Variants in HS3ST4 observed in about 807,000 individuals in gnomAD.
HS3ST4 encodes heparan sulfate-glucosamine 3-sulfotransferase 4.
HS3ST4 carries 17 observed loss-of-function variants against 29.2 expected under a neutral mutation model. That is an observed-to-expected ratio of 0.58 (90% CI 0.40 to 0.87). The LOEUF is 0.87. HS3ST4 is among the 40% of genes least tolerant of loss of function. HS3ST4 has a pLI of 0.00. For missense variants in HS3ST4, 627 were observed against 634.5 expected (o/e 0.99, Z 0.13); for synonymous variants, 314 against 285.7 (o/e 1.10, Z -1.00).
At chr16:25,852,326 G>T (rs866168979) in intron 1 of HS3ST4, among the ~76,000 whole-genome samples, 1 of 151,770 alleles carries the variant, frequency 6.6e-6, no homozygotes, top group African/African-American at 2.4e-5. Context: ...TAAGTTCTGG[G>T]GTACATGTGC....
At chr16:25,941,478 T>C (rs1481060989) in intron 1 of HS3ST4, among the ~76,000 whole-genome samples, 2 of 152,138 alleles carry the variant, frequency 1.3e-5, no homozygotes, top group African/African-American at 4.8e-5. Flanking sequence ...TTTTTTATCC[T>C]TGTGGCATAC....
chr16:25,964,615 G>A (rs962586751), intron 1 of HS3ST4, among the ~76,000 whole-genome samples: 1 of 152,112 alleles, frequency 6.6e-6, no homozygotes, highest in African/African-American at 2.4e-5. Context: ...ATGGAGCTGG[G>A]TTTTGATCCC....
intron 1 of HS3ST4, among the ~76,000 whole-genome samples, chr16:25,724,394 T>TG (rs1223122286): frequency 6.0e-5 from 9 of 150,748 alleles, no homozygotes; most frequent in Non-Finnish European, 1.2e-4. Flanking sequence ...GATGGAGTCT[T>TG]GCTCTGTCAC....
At chr16:25,768,267 C>T (rs1966834166) in intron 1 of HS3ST4, among the ~76,000 whole-genome samples, 1 of 152,180 alleles carries the variant, frequency 6.6e-6, no homozygotes, top group South Asian at 2.1e-4. Flanking sequence ...CATACCCTTC[C>T]AGACTCATTT....
chr16:25,899,094 A>G (rs114007270), intron 1 of HS3ST4, among the ~76,000 whole-genome samples: 2,469 of 152,102 alleles, frequency 0.016, 63 homozygotes, highest in African/African-American at 0.055. Context: ...TCTCTTTCCA[A>G]TCTCTCTGTT....
intron 1 of HS3ST4, among the ~76,000 whole-genome samples, chr16:25,708,534 A>G (rs370252021): frequency 8.5e-5 from 13 of 152,240 alleles, no homozygotes; most frequent in African/African-American, 3.1e-4. Flanking sequence ...ACAAAAATGA[A>G]AATGCCATGT....
intron 1 of HS3ST4, among the ~76,000 whole-genome samples, chr16:25,772,134 G>T (rs1166573614): frequency 2.0e-5 from 3 of 152,194 alleles, no homozygotes; most frequent in Admixed American, 2.0e-4. Context: ...TGGAACACAA[G>T]CTGTAGCCCG....
intron 1 of HS3ST4, among the ~76,000 whole-genome samples, chr16:25,760,503 C>T (rs999154400): frequency 6.6e-6 from 1 of 151,570 alleles, no homozygotes; most frequent in East Asian, 1.9e-4. Flanking sequence ...ACTGCAACCT[C>T]CACCTCCCTG....
In HS3ST4 at chr16:26,136,335, T is replaced by C. The variant is rs74607261; in HGVS notation, c.*87T>C. The C allele has an allele frequency of 1.7e-3, 2,158 of 1,269,732 alleles. 20 individuals carry two copies. The African/African-American group carries it at 0.028, about 17-fold the overall frequency. 78.7% of individuals were successfully genotyped at this position (1,269,732 alleles called of 1,614,324 possible). On this transcript the variant is annotated 3_prime_UTR_variant, in exon 2 of 2. Coordinates refer to ENST00000331351, the MANE Select transcript of HS3ST4 (RefSeq NM_006040.3). ...AATACCCCAGCTTCTGCAGCTTCAC[T>C]TGCTGGAGTGCCAAGTAGATCTCCT...
chr16:26,023,956 G>C (rs1424816832), intron 1 of HS3ST4, among the ~76,000 whole-genome samples: 2 of 152,204 alleles, frequency 1.3e-5, no homozygotes, highest in African/African-American at 4.8e-5. Context: ...TGGGTGCGGT[G>C]GCTCACGCCT....
intron 1 of HS3ST4, among the ~76,000 whole-genome samples, chr16:25,763,889 A>C (rs1966803212): frequency 6.6e-6 from 1 of 152,192 alleles, no homozygotes. Flanking sequence ...GTGGGGTTGG[A>C]GAATGGGTTA....
At chr16:25,999,876 T>C (rs1969195665) in intron 1 of HS3ST4, among the ~76,000 whole-genome samples, 2 of 125,268 alleles carry the variant, frequency 1.6e-5, no homozygotes, top group African/African-American at 3.1e-5. Context: ...ATATATTTTA[T>C]ATATATTATA....
At chr16:26,055,176 G>C in intron 1 of HS3ST4, among the ~76,000 whole-genome samples, 1 of 151,862 alleles carries the variant, frequency 6.6e-6, no homozygotes. Flanking sequence ...GCCCTCAGCA[G>C]GGAGGCAGCC....
chr16:26,007,833 T>C (rs1486039234), intron 1 of HS3ST4, among the ~76,000 whole-genome samples: 1 of 152,080 alleles, frequency 6.6e-6, no homozygotes, highest in African/African-American at 2.4e-5. Flanking sequence ...CATACAGCCT[T>C]TCTTCCCCCG....
chr16:25,800,778 A>C (rs2141623946), intron 1 of HS3ST4, among the ~76,000 whole-genome samples: 1 of 152,140 alleles, frequency 6.6e-6, no homozygotes. Context: ...AGCCCTCATG[A>C]ATGGTATTAG....
At chr16:25,698,656 C>T (rs749457279) in intron 1 of HS3ST4, among the ~76,000 whole-genome samples, 1 of 152,220 alleles carries the variant, frequency 6.6e-6, no homozygotes, top group Admixed American at 6.5e-5. Flanking sequence ...AGAGTCTCAG[C>T]TACCGAGTCT....
At chr16:26,126,809 A>G (rs977936657) in intron 1 of HS3ST4, among the ~76,000 whole-genome samples, 6 of 152,218 alleles carry the variant, frequency 3.9e-5, no homozygotes, top group Non-Finnish European at 8.8e-5. Context: ...AGAATTATCC[A>G]TCCCAGAATG....
intron 1 of HS3ST4, among the ~76,000 whole-genome samples, chr16:25,914,021 G>A (rs1341523740): frequency 6.6e-6 from 1 of 150,390 alleles, no homozygotes; most frequent in Non-Finnish European, 1.5e-5. Flanking sequence ...GTATGTGGAT[G>A]TGGAGGGAGC....
chr16:25,781,486 C>A (rs1399938645), intron 1 of HS3ST4, among the ~76,000 whole-genome samples: 2 of 152,200 alleles, frequency 1.3e-5, no homozygotes, highest in African/African-American at 4.8e-5. Flanking sequence ...TCTTCAAAAG[C>A]ATCCTCTTGG....
Sources: gnomAD v4.1 joint callset for allele counts (sites outside exome capture counted in the v4.1 genomes callset) on GRCh38, gnomAD v4.1.1 for gene constraint, MANE v1.5 for transcripts, NCBI Gene and HGNC (gene_info 2026-07-23, HGNC 2026-07-21) for gene names.